Variants in CFAP69 observed in about 807,000 individuals in gnomAD.
The protein encoded by CFAP69 is cilia and flagella associated protein 69, also known as cilia- and flagella-associated protein 69.
In CFAP69, 92 loss-of-function variants were observed where a neutral mutation model predicts 123.0. That is an observed-to-expected ratio of 0.75 (90% CI 0.63 to 0.89). The LOEUF (loss-of-function observed/expected upper bound fraction) is 0.89, where lower values mean the gene tolerates loss of function less well. Ranked by LOEUF, CFAP69 falls within the 40% of genes least tolerant of loss-of-function variation. The pLI is 0.00. For missense variants in CFAP69, 1,067 were observed against 1,096.9 expected, an observed-to-expected ratio of 0.97 and a Z score of 0.39; for synonymous variants, 380 against 364.3, an observed-to-expected ratio of 1.04 and a Z score of -0.49.
At chr7:90,261,745 G>A (rs1798357841) in intron 3 of CFAP69, among the ~76,000 whole-genome samples, 2 of 152,234 alleles carry the variant, frequency 1.3e-5, no homozygotes, top group East Asian at 3.9e-4. Context: ...GGCATTTACT[G>A]AGGCAAAAAT....
At chr7:90,269,840 A>G (rs1396175796) in intron 6 of CFAP69, among the ~76,000 whole-genome samples, 1 of 152,122 alleles carries the variant, frequency 6.6e-6, no homozygotes, top group African/African-American at 2.4e-5. Context: ...TTTTTAGGAT[A>G]GGAAGAAATC....
At chr7:90,304,221 T>C in intron 18 of CFAP69, 115 bp downstream of exon 18, 7 of 1,399,406 alleles carry the variant, frequency 5.0e-6, no homozygotes, top group Non-Finnish European at 5.6e-6. Flanking sequence ...TATAGAGAAA[T>C]TCATTTTCCA....
intron 1 of CFAP69, among the ~76,000 whole-genome samples, chr7:90,247,522 A>T (rs1418235511): frequency 6.6e-6 from 1 of 152,180 alleles, no homozygotes; most frequent in East Asian, 1.9e-4. Flanking sequence ...AGATAATGAC[A>T]GTACTCATGT....
At chr7:90,319,915 A>T in the CFAP69 span, among the ~76,000 whole-genome samples, 2 of 152,220 alleles carry the variant, frequency 1.3e-5, no homozygotes, top group African/African-American at 4.8e-5. Flanking sequence ...ATCTTCCTTT[A>T]GGATATTACA....
At chr7:90,315,929 C>A (rs533247635), downstream of CFAP69, among the ~76,000 whole-genome samples, 2 of 152,064 alleles carry the variant, frequency 1.3e-5, no homozygotes, top group African/African-American at 2.4e-5. Flanking sequence ...CCTGTCTCTA[C>A]TAAAACTACA....
At chr7:90,322,435 C>T in the CFAP69 span, 1 of 152,120 alleles carries the variant, frequency 6.6e-6, no homozygotes, top group African/African-American at 2.4e-5. Flanking sequence ...GTGAACAAAC[C>T]ACCCTCCCAA....
At chr7:90,251,669 A>AG (rs1247440248) in intron 1 of CFAP69, among the ~76,000 whole-genome samples, 4 of 145,698 alleles carry the variant, frequency 2.7e-5, no homozygotes, top group African/African-American at 1.0e-4. Context: ...AATTCCTGAA[A>AG]CAAAAAAAAC....
rs1249266913 is a variant in CFAP69 at position 90,304,127 on chromosome 7, T to C, written c.2188+21T>C. 3.2e-6 allele frequency: 5 copies of C among 1,541,692 alleles called. No homozygotes were observed. The East Asian group carries it at 1.2e-4, about 38-fold the overall frequency. Reference sequence around the variant, plus strand: ...ACTAGGTAAGAAGTTCTCTTCAAATTTGCAAGAGTCTGTTTTGCTAAGTAT... The same window carrying C: ...ACTAGGTAAGAAGTTCTCTTCAAATCTGCAAGAGTCTGTTTTGCTAAGTAT... On this transcript the variant is annotated intron_variant, in intron 18 of 22. Coordinates refer to ENST00000389297, the MANE Select transcript of CFAP69 (RefSeq NM_001039706.3).
intron 5 of CFAP69, among the ~76,000 whole-genome samples, 184 bp downstream of exon 5, chr7:90,265,561 G>T (rs560975454): frequency 6.6e-6 from 1 of 152,278 alleles, no homozygotes; most frequent in South Asian, 2.1e-4. Flanking sequence ...TGTTCAGGTT[G>T]TTTCGTGATA....
chr7:90,256,555 G>T lies in CFAP69; in HGVS notation c.180+1073G>T, dbSNP rs753926637. On this transcript the variant is annotated intron_variant, in intron 2 of 22. Coordinates refer to ENST00000389297, the MANE Select transcript of CFAP69 (RefSeq NM_001039706.3). ...AAAAAAAAAATTTTTAAGTAAGTGGGTTGACCATAGTATAGCCTATCAAAA... is the reference window on the plus strand; with the variant it reads ...AAAAAAAAAATTTTTAAGTAAGTGGTTTGACCATAGTATAGCCTATCAAAA... Among the ~76,000 whole-genome samples the T allele has an allele frequency of 1.1e-4, 17 of 152,106 alleles. No individual in the cohort carries two copies. The Middle Eastern group carries it at 0.01, about 92-fold the overall frequency.
intron 15 of CFAP69, among the ~76,000 whole-genome samples, chr7:90,294,422 T>C (rs769994125): frequency 1.1e-4 from 16 of 152,178 alleles, no homozygotes; most frequent in Non-Finnish European, 1.9e-4. Flanking sequence ...TTCTTCTTAT[T>C]AATAAACTAA....
Position 90,245,412 on chromosome 7 carries a change from G to C in CFAP69, c.-13G>C. ...GGAAGATCCCCCCACTCTCCACCCC[G>C]CCGCCACCGGCCATGTGGACAGAGG... is the stretch of plus-strand genomic sequence containing the variant. On this transcript the variant is annotated 5_prime_UTR_variant, in exon 1 of 23. Coordinates refer to ENST00000389297, the MANE Select transcript of CFAP69 (RefSeq NM_001039706.3). 1 of 1,537,350 alleles carries C rather than the reference G, an allele frequency of 6.5e-7. No individual in the cohort carries two copies. The highest frequency in any genetic ancestry group is 2.7e-5 in the East Asian group (1 of 37,716).
At chr7:90,293,016 A>G (rs17869626) in intron 15 of CFAP69, among the ~76,000 whole-genome samples, 4,199 of 152,300 alleles carry the variant, frequency 0.028, 89 homozygotes, top group South Asian at 0.11. Flanking sequence ...TTGACAAAGC[A>G]ATTTAGTTAT....
chr7:90,308,203 C>T (rs1374781211), intron 21 of CFAP69, among the ~76,000 whole-genome samples: 1 of 152,102 alleles, frequency 6.6e-6, no homozygotes, highest in African/African-American at 2.4e-5. Flanking sequence ...AAGTAAAGGA[C>T]ACAAAGAGCA....
chr7:90,307,675 C>A, intron 20 of CFAP69, 93 bp from the exon 21 acceptor site: 1 of 706,850 alleles, frequency 1.4e-6, no homozygotes, highest in Non-Finnish European at 2.3e-6. Flanking sequence ...AGACATGCCA[C>A]TGGACTCCAG....
the CFAP69 span, chr7:90,321,177 G>T: frequency 1.3e-5 from 2 of 152,296 alleles, no homozygotes; most frequent in Non-Finnish European, 2.9e-5. Flanking sequence ...CTCACCGGGC[G>T]CCCAAGCTCG....
At chr7:90,279,344 GTTATACGTTTTA>G (rs772954857) in intron 11 of CFAP69, among the ~76,000 whole-genome samples, 69 of 152,062 alleles carry the variant, frequency 4.5e-4, no homozygotes, top group East Asian at 3.1e-3. Context: ...AGTAAAATAC[GTTATACGTTTTA>G]TTATACGTTT....
At chr7:90,277,392 T>C (rs1788776101) in intron 11 of CFAP69, 58 bp downstream of exon 11, 2 of 1,294,498 alleles carry the variant, frequency 1.5e-6, no homozygotes, top group East Asian at 5.5e-5. Context: ...GTAGTATAAC[T>C]ATTTTAAAGT....
In CFAP69 at chr7:90,288,224, T is replaced by C. The variant is rs1349138134; in HGVS notation, c.1657-10T>C. 3 of 1,593,138 alleles carry C rather than the reference T, an allele frequency of 1.9e-6. No individual in the cohort carries two copies. Among genetic ancestry groups the C allele is most frequent in the East Asian group, 4.5e-5 (2 of 44,646 alleles). ...TTCAAGAAATAATTTAAAACAAATA[T>C]CTTAAACAGGAAATTTTCGGAACTG... On this transcript the variant is annotated splice_polypyrimidine_tract_variant and intron_variant, in intron 14 of 22. Coordinates refer to ENST00000389297, the MANE Select transcript of CFAP69 (RefSeq NM_001039706.3).
Sources: allele counts gnomAD v4.1 joint callset (sites outside exome capture counted in the v4.1 genomes callset), GRCh38; gene constraint gnomAD v4.1.1; transcripts MANE v1.5; gene names NCBI Gene and HGNC (gene_info 2026-07-23, HGNC 2026-07-21).